TEX29: variants seen among roughly 807,000 people sequenced by gnomAD.
TEX29 encodes the protein testis expressed 29.
In TEX29, 26 loss-of-function variants were observed where a neutral mutation model predicts 18.2. The ratio of observed to expected loss-of-function variants is 1.43; its 90% CI spans 1.04 to 1.98. The LOEUF (loss-of-function observed/expected upper bound fraction) is 1.98. Among genes scored for constraint, TEX29 ranks in the 30% most tolerant of loss-of-function variants. The probability of loss-of-function intolerance (pLI) is 0.00; values close to 1 mark genes in which losing one functional copy is unlikely to be tolerated. For missense variants in TEX29, 177 were observed against 194.2 expected (o/e 0.91, Z 0.53); for synonymous variants, 83 against 78.5 (o/e 1.06, Z -0.31).
chr13:111,324,247 C>T (rs1011468397), intron 2 of TEX29, among the ~76,000 whole-genome samples: 1 of 152,204 alleles, frequency 6.6e-6, no homozygotes, highest in Non-Finnish European at 1.5e-5. Flanking sequence ...GTCTTGCTGT[C>T]CGTGGCCACG....
intron 2 of TEX29, among the ~76,000 whole-genome samples, chr13:111,327,688 C>T (rs966446329): frequency 2.0e-5 from 3 of 152,208 alleles, no homozygotes; most frequent in East Asian, 3.8e-4. Flanking sequence ...CACGGCGCGC[C>T]GCACACTCAT....
Position 111,328,184 on chromosome 13 carries a change from G to GTATGACATT in TEX29, c.61_62insATGACATTT (p.Val20_Cys21insTyrAspIle). ...TTGTGTATGTCTGTGCTTTTGCAGT[G>GTATGACATT]TGTGACGTTCCTCTGTATGACATTT... is the stretch of plus-strand genomic sequence containing the variant. On this transcript the variant is annotated inframe_insertion and splice_region_variant, in exon 3 of 6. Transcript: ENST00000283547. 1 of 1,606,760 alleles carries GTATGACATT rather than the reference G, an allele frequency of 6.2e-7. No homozygotes were observed. The highest frequency in any genetic ancestry group is 1.1e-5 in the South Asian group (1 of 90,858).
At chr13:111,321,677 CT>C (rs1171657171) in intron 2 of TEX29, among the ~76,000 whole-genome samples, 1 of 152,002 alleles carries the variant, frequency 6.6e-6, no homozygotes, top group Non-Finnish European at 1.5e-5. Context: ...AATCCCAGCA[CT>C]TTGAGAAGCC....
upstream of TEX29, among the ~76,000 whole-genome samples, chr13:111,317,275 G>A (rs1188408972): frequency 2.0e-5 from 3 of 152,188 alleles, no homozygotes; most frequent in African/African-American, 7.2e-5. Flanking sequence ...TGAGGCCGTA[G>A]GGGTGAGGGT....
At chr13:111,343,990 C>A in intron 5 of TEX29, 93 bp from the exon 6 acceptor site, 2 of 1,034,162 alleles carry the variant, frequency 1.9e-6, no homozygotes, top group South Asian at 1.4e-5. Flanking sequence ...CAATCAGACA[C>A]CATGTAGATG....
intron 2 of TEX29, among the ~76,000 whole-genome samples, chr13:111,327,683 C>T (rs751126589): frequency 5.3e-5 from 8 of 152,206 alleles, no homozygotes; most frequent in South Asian, 2.1e-4. Flanking sequence ...CCTCCCACGG[C>T]GCGCCGCACA....
chr13:111,322,235 C>T (rs1422096585), intron 2 of TEX29, among the ~76,000 whole-genome samples: 1 of 152,228 alleles, frequency 6.6e-6, no homozygotes, highest in Admixed American at 6.5e-5. Context: ...CAAGAGGGGT[C>T]TTTGCAGTTC....
intron 3 of TEX29, among the ~76,000 whole-genome samples, chr13:111,328,701 G>C (rs1448893367): frequency 6.6e-6 from 1 of 152,220 alleles, no homozygotes; most frequent in Non-Finnish European, 1.5e-5. Context: ...GGGTGGAGCG[G>C]ACCTTGTCCA....
At chr13:111,326,556 G>A (rs1322826992) in intron 2 of TEX29, among the ~76,000 whole-genome samples, 4 of 138,064 alleles carry the variant, frequency 2.9e-5, no homozygotes, top group Admixed American at 1.4e-4. Context: ...TGCGGGCAAC[G>A]CGAGCCTGGT....
At chr13:111,321,717 G>A (rs910033571) in intron 2 of TEX29, among the ~76,000 whole-genome samples, 4 of 152,078 alleles carry the variant, frequency 2.6e-5, no homozygotes, top group African/African-American at 9.7e-5. Context: ...GAGGTCAGGA[G>A]TTCCAGACCA....
At chr13:111,335,442 AG>A (rs2093688271) in intron 3 of TEX29, among the ~76,000 whole-genome samples, 1 of 152,258 alleles carries the variant, frequency 6.6e-6, no homozygotes, top group African/African-American at 2.4e-5. Flanking sequence ...GTACTCCTGA[AG>A]CCAAGCTCAT....
chr13:111,337,444 T>C (rs1318443158), intron 3 of TEX29, among the ~76,000 whole-genome samples: 1 of 152,120 alleles, frequency 6.6e-6, no homozygotes, highest in Admixed American at 6.5e-5. Flanking sequence ...CCTCTTCTCC[T>C]CGCATGAGGG....
intron 4 of TEX29, among the ~76,000 whole-genome samples, 196 bp from the exon 5 acceptor site, chr13:111,342,557 CAAA>C (rs34305274): frequency 1.3e-5 from 1 of 75,316 alleles, no homozygotes; most frequent in Non-Finnish European, 2.5e-5. Context: ...AAAACTGTCT[CAAA>C]AAAAAAAAAA....
intron 5 of TEX29, among the ~76,000 whole-genome samples, chr13:111,343,221 G>T (rs1232264159): frequency 1.3e-5 from 2 of 152,174 alleles, no homozygotes; most frequent in Admixed American, 6.5e-5. Context: ...TGTTAGTGTG[G>T]GAAGCTCCTG....
At chr13:111,332,803 T>C (rs148579063) in intron 3 of TEX29, among the ~76,000 whole-genome samples, 65 of 152,366 alleles carry the variant, frequency 4.3e-4, no homozygotes, top group African/African-American at 1.4e-3. Context: ...CAAATTCTTT[T>C]TCTGCATCTA....
intron 3 of TEX29, among the ~76,000 whole-genome samples, chr13:111,331,772 A>C (rs2093683083): frequency 6.6e-6 from 1 of 152,152 alleles, no homozygotes; most frequent in Admixed American, 6.5e-5. Context: ...ATTATTTTGC[A>C]TATGGATATT....
upstream of TEX29, among the ~76,000 whole-genome samples, chr13:111,318,863 G>T (rs765131010): frequency 5.3e-5 from 8 of 152,210 alleles, no homozygotes; most frequent in Non-Finnish European, 8.8e-5. Flanking sequence ...TAACAAAAAT[G>T]CCACAGCCTG....
intron 3 of TEX29, among the ~76,000 whole-genome samples, chr13:111,328,677 G>A (rs1176122420): frequency 6.6e-6 from 1 of 152,204 alleles, no homozygotes; most frequent in African/African-American, 2.4e-5. Context: ...GCCGGGTGTG[G>A]GGTGAGCCCA....
chr13:111,317,730 C>T (rs1002297673), upstream of TEX29, among the ~76,000 whole-genome samples: 7 of 152,334 alleles, frequency 4.6e-5, no homozygotes, highest in East Asian at 1.4e-3. Flanking sequence ...AATCTGAAGT[C>T]AGGACGTGGG....
Sources: gnomAD v4.1 joint callset for allele counts (sites outside exome capture counted in the v4.1 genomes callset) on GRCh38, gnomAD v4.1.1 for gene constraint, MANE v1.5 for transcripts, NCBI Gene and HGNC (gene_info 2026-07-23, HGNC 2026-07-21) for gene names.